ZNF536: variants seen among roughly 807,000 people sequenced by gnomAD.
ZNF536 encodes zinc finger protein 536.
Under a neutral mutation model 84.5 loss-of-function variants are expected in ZNF536, and 13 were observed. The ratio of observed to expected loss-of-function variants is 0.15; its 90% CI spans 0.10 to 0.24. The LOEUF is 0.24. Ranked by LOEUF, ZNF536 falls within the 10% of genes least tolerant of loss-of-function variation. ZNF536 has a pLI of 1.00. For synonymous variants in ZNF536, 811 were observed against 742.5 expected, an observed-to-expected ratio of 1.09 and a Z score of -1.50; for missense variants, 1,536 against 1,747.5, an observed-to-expected ratio of 0.88 and a Z score of 2.16.
At chr19:30,526,592 C>T (rs61180679) in intron 2 of ZNF536, among the ~76,000 whole-genome samples, 19,672 of 144,280 alleles carry the variant, frequency 0.14, 2,505 homozygotes, top group East Asian at 0.31. Flanking sequence ...GGCGTAGTGG[C>T]GGGCGCCTGT....
At chr19:30,649,830 AT>A (rs2049630749) in intron 1 of ZNF536, among the ~76,000 whole-genome samples, 1 of 152,092 alleles carries the variant, frequency 6.6e-6, no homozygotes, top group African/African-American at 2.4e-5. Flanking sequence ...TGATTTGCCT[AT>A]CCTGTCTGAC....
chr19:30,595,723 G>A (rs2047439891), intron 1 of ZNF536, among the ~76,000 whole-genome samples: 1 of 152,186 alleles, frequency 6.6e-6, no homozygotes, highest in Admixed American at 6.5e-5. Context: ...ACTCTGTAGG[G>A]GACCATTGAC....
chr19:30,501,959 T>C (rs1371805705), intron 2 of ZNF536, among the ~76,000 whole-genome samples: 1 of 152,150 alleles, frequency 6.6e-6, no homozygotes, highest in African/African-American at 2.4e-5. Flanking sequence ...CCCAGGGATA[T>C]AGCTCCAGGG....
intron 1 of ZNF536, among the ~76,000 whole-genome samples, chr19:30,689,955 A>G (rs538925556): frequency 2.4e-4 from 37 of 152,366 alleles, no homozygotes; most frequent in Non-Finnish European, 2.1e-4. Flanking sequence ...ACAAAATAAA[A>G]TAAACATCTG....
chr19:30,383,701 CTCTTTCTT>C (rs762457465), intron 1 of ZNF536, among the ~76,000 whole-genome samples: 189 of 11,560 alleles, frequency 0.016, 13 homozygotes, highest in East Asian at 0.062. Flanking sequence ...TCTTTTCTTT[CTCTTTCTT>C]TCTTTCTTTC....
intron 2 of ZNF536, among the ~76,000 whole-genome samples, chr19:30,516,379 C>T (rs934123147): frequency 6.6e-5 from 10 of 152,328 alleles, no homozygotes; most frequent in Admixed American, 5.9e-4. Flanking sequence ...TGAATATTTG[C>T]TGGCTGAATG....
At chr19:30,609,926 CCATCCATCCATCCATG>C (rs2048040086) in intron 1 of ZNF536, among the ~76,000 whole-genome samples, 2 of 151,388 alleles carry the variant, frequency 1.3e-5, no homozygotes, top group African/African-American at 4.9e-5. Flanking sequence ...ATCCATCCAT[CCATCCATCCATCCATG>C]CATCCATCCA....
intron 1 of ZNF536, among the ~76,000 whole-genome samples, chr19:30,594,037 T>C (rs2047363008): frequency 6.6e-6 from 1 of 152,228 alleles, no homozygotes. Flanking sequence ...CCACGTGGAA[T>C]GTCTTCCATG....
chr19:30,415,198 T>G (rs1242961154), intron 1 of ZNF536, among the ~76,000 whole-genome samples: 1 of 40,792 alleles, frequency 2.5e-5, no homozygotes, highest in Non-Finnish European at 4.4e-5. Flanking sequence ...CCTCCTCCTC[T>G]TCTCCCTCCC....
chr19:30,510,583 C>T (rs1237571688), intron 2 of ZNF536, among the ~76,000 whole-genome samples: 2 of 152,196 alleles, frequency 1.3e-5, no homozygotes, highest in African/African-American at 2.4e-5. Flanking sequence ...TACAGAGACG[C>T]GGGGATCGCT....
At chr19:30,491,035 A>G (rs1348935847) in intron 2 of ZNF536, among the ~76,000 whole-genome samples, 6 of 152,090 alleles carry the variant, frequency 3.9e-5, no homozygotes, top group Non-Finnish European at 5.9e-5. Flanking sequence ...TGCAACTCCA[A>G]TGAGAAAGTA....
chr19:30,580,836 G>A (rs1466816927), intron 1 of ZNF536, among the ~76,000 whole-genome samples: 1 of 152,166 alleles, frequency 6.6e-6, no homozygotes, highest in East Asian at 1.9e-4. Flanking sequence ...TCTCCCTGCT[G>A]GTGACCCCAC....
intron 1 of ZNF536, among the ~76,000 whole-genome samples, chr19:30,431,408 G>A (rs1270772993): frequency 6.6e-6 from 1 of 152,162 alleles, no homozygotes; most frequent in African/African-American, 2.4e-5. Context: ...GGGACCCGAT[G>A]GAGTGCCTGG....
At chr19:30,404,164 C>T (rs148489039) in intron 1 of ZNF536, among the ~76,000 whole-genome samples, 170 of 152,274 alleles carry the variant, frequency 1.1e-3, no homozygotes, top group African/African-American at 3.8e-3. Flanking sequence ...GCGTTGCCCA[C>T]GCAGGGCCTG....
At chr19:30,398,177 G>A (rs1403214862) in intron 1 of ZNF536, among the ~76,000 whole-genome samples, 2 of 152,140 alleles carry the variant, frequency 1.3e-5, no homozygotes, top group Non-Finnish European at 2.9e-5. Flanking sequence ...GATCACGTCT[G>A]TAGATTCCGT....
chr19:30,394,514 C>T (rs781268318), intron 1 of ZNF536, among the ~76,000 whole-genome samples: 17 of 152,184 alleles, frequency 1.1e-4, no homozygotes, highest in Non-Finnish European at 1.9e-4. Context: ...GCATCTCTTA[C>T]GTCTGCTCGG....
At chr19:30,632,069 G>A (rs1038355789) in intron 1 of ZNF536, among the ~76,000 whole-genome samples, 1 of 152,172 alleles carries the variant, frequency 6.6e-6, no homozygotes, top group African/African-American at 2.4e-5. Flanking sequence ...TCCTGGTGGG[G>A]GTTCAAGGTA....
At chr19:30,250,531 C>A (rs1385297207) in intron 1 of ZNF536, among the ~76,000 whole-genome samples, 1 of 152,088 alleles carries the variant, frequency 6.6e-6, no homozygotes, top group Non-Finnish European at 1.5e-5. Flanking sequence ...CTGCAAGGGT[C>A]TTGGGGAAAG....
intron 3 of ZNF536, among the ~76,000 whole-genome samples, chr19:30,355,923 C>T (rs2048080281): frequency 6.6e-6 from 1 of 152,222 alleles, no homozygotes; most frequent in Admixed American, 6.5e-5. Flanking sequence ...TTCCACAAAA[C>T]TGGTCCCTGA....
Sources: allele counts gnomAD v4.1 joint callset (sites outside exome capture counted in the v4.1 genomes callset), GRCh38; gene constraint gnomAD v4.1.1; transcripts MANE v1.5; gene names NCBI Gene and HGNC (gene_info 2026-07-23, HGNC 2026-07-21).